The following C7 variants were observed in gnomAD, a reference collection of about 807,000 sequenced individuals.
The protein encoded by C7 is complement C7, also known as complement component C7.
Under a neutral mutation model 104.8 loss-of-function variants are expected in C7, and 83 were observed. That is an observed-to-expected ratio of 0.79 (90% confidence interval 0.66 to 0.95). The LOEUF is 0.95. C7 is among the 40% of genes least tolerant of loss of function. The pLI is 0.00. For synonymous variants in C7, 415 were observed against 360.6 expected (o/e 1.15, Z -1.71); for missense variants, 1,070 against 1,011.2 (o/e 1.06, Z -0.79).
chr5:40,958,148 C>A lies in C7; in HGVS notation c.1376C>A (p.Pro459His). Residue 459 changes from proline (P) to histidine (H), a missense_variant, in exon 11 of 18, where the codon CCT (proline) becomes CAT (histidine). Pro to His is a moderately conservative substitution (Grantham distance 77). Transcript: ENST00000313164. ...GAATTTGACCCCTGTCATTGCCGGC[C>A]TTGTCAAAATGGTGGTTTGGCTACT... ...LDEFDPCHCR[P>H]CQNGGLATVE... is the part of the protein sequence containing the mutation. The A allele has an allele frequency of 6.2e-7, 1 of 1,613,802 alleles. No homozygotes were observed. Among genetic ancestry groups the A allele is most frequent in the African/African-American group, 1.3e-5 (1 of 74,988 alleles).
At position 40,981,709 on chromosome 5, in the gene C7, C is replaced by A. The variant is rs1740950657; in HGVS notation, c.*136C>A. The A allele has an allele frequency of 4.5e-6, 3 of 673,978 alleles. No individual in the cohort carries two copies. The South Asian group carries it at 6.4e-5, about 14-fold the overall frequency. 41.7% of individuals were successfully genotyped at this position (673,978 alleles called of 1,614,324 possible). A position where few individuals can be genotyped will look rare whatever the true frequency, so the allele number is the denominator to read the frequency against. ...ACCTTCCTCCTCAACTCCCAGCCAT[C>A]TGTATAAACACAATCCTTTGTTCTC... On this transcript the variant is annotated 3_prime_UTR_variant, in exon 18 of 18. Transcript: ENST00000313164.
chr5:40,980,505 G>A (rs1021010313), intron 17 of C7, among the ~76,000 whole-genome samples: 4 of 152,136 alleles, frequency 2.6e-5, no homozygotes, highest in Non-Finnish European at 4.4e-5. Flanking sequence ...ACTTTCTCAC[G>A]TTGTGATTCA....
At chr5:40,971,480 A>G (rs12188487) in intron 14 of C7, among the ~76,000 whole-genome samples, 28,091 of 152,112 alleles carry the variant, frequency 0.18, 3,120 homozygotes, top group Middle Eastern at 0.38. Flanking sequence ...TAGATTCTGG[A>G]TATTAGCCCT....
Position 40,958,151 on chromosome 5 carries a change from G to T in C7, c.1379G>T (p.Cys460Phe), listed in dbSNP as rs1429476333. Residue 460 changes from cysteine (C) to phenylalanine (F), a missense_variant, in exon 11 of 18, where the codon TGT (cysteine) becomes TTT (phenylalanine). Coordinates refer to ENST00000313164, the MANE Select transcript of C7 (RefSeq NM_000587.4). ...DEFDPCHCRP[C>F]QNGGLATVEG... Reference sequence around the variant, plus strand: ...TTTGACCCCTGTCATTGCCGGCCTTGTCAAAATGGTGGTTTGGCTACTGTT... The same window carrying T: ...TTTGACCCCTGTCATTGCCGGCCTTTTCAAAATGGTGGTTTGGCTACTGTT... 6.2e-7 allele frequency: 1 copy of T among 1,613,886 alleles called. No individual in the cohort carries two copies. The highest frequency in any genetic ancestry group is 8.5e-7 in the Non-Finnish European group (1 of 1,179,802).
At chr5:40,934,539 T>C in intron 4 of C7, 73 bp downstream of exon 4, 2 of 1,455,296 alleles carry the variant, frequency 1.4e-6, no homozygotes, top group Non-Finnish European at 1.9e-6. Context: ...GCTCGTTATA[T>C]ATTTGTTAAA....
chr5:40,931,906 G>A (rs959431063), intron 3 of C7, among the ~76,000 whole-genome samples: 4 of 152,036 alleles, frequency 2.6e-5, no homozygotes, highest in Admixed American at 6.5e-5. Flanking sequence ...CTACAGGCAC[G>A]TGCCACTACA....
In C7 at chr5:40,931,147, C is replaced by T; in HGVS notation, c.138+8C>T. 1 of 1,606,612 alleles carries T rather than the reference C, an allele frequency of 6.2e-7. No homozygotes were observed. The highest frequency in any genetic ancestry group is 8.5e-7 in the Non-Finnish European group (1 of 1,173,416). On this transcript the variant is annotated splice_region_variant and intron_variant, in intron 3 of 17. Coordinates refer to ENST00000313164, the MANE Select transcript of C7 (RefSeq NM_000587.4). ...GGCTGTACCAAGACTCAGGTAGGAC[C>T]ATGCAAAACTTTGTATTTGATTATT...
Position 40,976,568 on chromosome 5 carries a change from C to T in C7, c.2075-182C>T, listed in dbSNP as rs2111722299. On this transcript the variant is annotated intron_variant, in intron 15 of 17. Coordinates refer to ENST00000313164, the MANE Select transcript of C7 (RefSeq NM_000587.4). Reference sequence around the variant, plus strand: ...ACCAATGCAGTTATTTGTAATGTGACTCTAGAAACTCTCTATAGCTTGTAA... The same window carrying T: ...ACCAATGCAGTTATTTGTAATGTGATTCTAGAAACTCTCTATAGCTTGTAA... The T allele has an allele frequency of 9.7e-6, 4 of 411,440 alleles. 1 individual carries two copies. The highest frequency in any genetic ancestry group is 9.9e-4 in the Middle Eastern group (2 of 2,030). 25.5% of individuals were successfully genotyped at this position (411,440 alleles called of 1,614,324 possible).
chr5:40,940,081 C>T (rs1739902332), intron 6 of C7, among the ~76,000 whole-genome samples: 1 of 152,154 alleles, frequency 6.6e-6, no homozygotes, highest in South Asian at 2.1e-4. Context: ...TGGTGAATGT[C>T]CTCCATGGTT....
chr5:40,955,175 G>A (rs1156834694), intron 9 of C7, among the ~76,000 whole-genome samples: 2 of 152,130 alleles, frequency 1.3e-5, no homozygotes, highest in Non-Finnish European at 2.9e-5. Flanking sequence ...AATGTATAAC[G>A]ACATGTGCCC....
chr5:40,940,420 T>A (rs1007777538), intron 6 of C7, among the ~76,000 whole-genome samples: 1 of 152,158 alleles, frequency 6.6e-6, no homozygotes, highest in Non-Finnish European at 1.5e-5. Flanking sequence ...TTATTCTCAG[T>A]GTGTGATGAA....
rs956580012 is a variant in C7, at chr5:40,968,158, G to C, written c.1882+3285G>C. ...CTTTTTCTTTTTTTTATTTGAGATG[G>C]TTTGTTTTCCAGGCTGGAGTGCAGT... On this transcript the variant is annotated intron_variant, in intron 14 of 17. Coordinates refer to ENST00000313164, the MANE Select transcript of C7 (RefSeq NM_000587.4). 2.0e-4 allele frequency among the ~76,000 whole-genome samples: 30 copies of C among 150,314 alleles called. No individual in the cohort carries two copies. The Admixed American group carries it at 2.0e-3, about 10-fold the overall frequency.
At chr5:40,965,512 G>A (rs1173301974) in intron 14 of C7, among the ~76,000 whole-genome samples, 2 of 152,054 alleles carry the variant, frequency 1.3e-5, no homozygotes, top group African/African-American at 4.8e-5. Context: ...AGTGGAGGCT[G>A]CCAGCCTTCC....
intron 16 of C7, among the ~76,000 whole-genome samples, chr5:40,977,393 A>G (rs532921303): frequency 4.6e-5 from 7 of 152,336 alleles, no homozygotes; most frequent in Non-Finnish European, 7.4e-5. Flanking sequence ...AAGCTTTATT[A>G]GCAGAAATAT....
chr5:40,946,594 A>G (rs576378302), intron 7 of C7, among the ~76,000 whole-genome samples: 16 of 152,204 alleles, frequency 1.1e-4, no homozygotes, highest in Non-Finnish European at 2.4e-4. Context: ...ATTATAAAGT[A>G]GCTTCACCTG....
chr5:40,940,390 A>G (rs968973418), intron 6 of C7, among the ~76,000 whole-genome samples: 13 of 152,182 alleles, frequency 8.5e-5, no homozygotes, highest in African/African-American at 3.1e-4. Flanking sequence ...AGCCTGAGAG[A>G]TAGCAGAGGA....
intron 1 of C7, among the ~76,000 whole-genome samples, chr5:40,923,701 G>T (rs112490681): frequency 0.046 from 7,033 of 151,410 alleles, 570 homozygotes; most frequent in African/African-American, 0.16. Context: ...AGCCGAGATT[G>T]TGCCATTGCA....
chr5:40,969,011 A>G (rs1740632177), intron 14 of C7, among the ~76,000 whole-genome samples: 1 of 152,120 alleles, frequency 6.6e-6, no homozygotes, highest in African/African-American at 2.4e-5. Context: ...CTTACAAAAA[A>G]CTGACTAGAA....
chr5:40,967,995 G>T (rs965867859), intron 14 of C7, among the ~76,000 whole-genome samples: 1 of 151,990 alleles, frequency 6.6e-6, no homozygotes, highest in Non-Finnish European at 1.5e-5. Context: ...CTAAAACATT[G>T]CTTCTGTCCC....
Sources: gnomAD v4.1 joint callset for allele counts (sites outside exome capture counted in the v4.1 genomes callset) on GRCh38, gnomAD v4.1.1 for gene constraint, MANE v1.5 for transcripts, NCBI Gene and HGNC (gene_info 2026-07-23, HGNC 2026-07-21) for gene names.